Variants in MICAL2 observed in about 807,000 individuals in gnomAD.
MICAL2 encodes the protein [F-actin]-monooxygenase MICAL2.
A neutral mutation model predicts 127.3 loss-of-function variants in MICAL2; 77 were observed. The observed-to-expected ratio is 0.60, with a 90% CI of 0.50 to 0.73. The LOEUF (loss-of-function observed/expected upper bound fraction) is 0.73, where lower values mean the gene tolerates loss of function less well. MICAL2 is among the 30% of genes least tolerant of loss of function. The probability of loss-of-function intolerance (pLI) is 0.00; values close to 1 mark genes in which losing one functional copy is unlikely to be tolerated. For synonymous variants in MICAL2, 570 were observed against 551.1 expected, an observed-to-expected ratio of 1.03 and a Z score of -0.48; for missense variants, 1,351 against 1,434.4, an observed-to-expected ratio of 0.94 and a Z score of 0.94.
At chr11:12,225,220 A>G (rs1200547972) in intron 13 of MICAL2, among the ~76,000 whole-genome samples, 1 of 152,226 alleles carries the variant, frequency 6.6e-6, no homozygotes, top group Non-Finnish European at 1.5e-5. Flanking sequence ...ACCCAGATCC[A>G]TAAGCTGTGT....
At chr11:12,217,415 T>C (rs886498699) in intron 8 of MICAL2, among the ~76,000 whole-genome samples, 1 of 152,092 alleles carries the variant, frequency 6.6e-6, no homozygotes, top group Non-Finnish European at 1.5e-5. Flanking sequence ...AATGCGGGCT[T>C]GGTGAAGTGG....
chr11:12,340,688 G>A (rs1020429971), intron 32 of MICAL2, among the ~76,000 whole-genome samples: 6 of 152,132 alleles, frequency 3.9e-5, no homozygotes, highest in South Asian at 4.1e-4. Flanking sequence ...ACAACCGAAT[G>A]TTATATATAC....
chr11:12,125,171 T>A (rs1850814363), intron 1 of MICAL2, among the ~76,000 whole-genome samples: 1 of 152,242 alleles, frequency 6.6e-6, no homozygotes, highest in African/African-American at 2.4e-5. Context: ...TCCATTTCCA[T>A]CGTATCTCTA....
intron 2 of MICAL2, among the ~76,000 whole-genome samples, chr11:12,155,609 T>C (rs1384392766): frequency 1.3e-5 from 2 of 152,096 alleles, no homozygotes; most frequent in African/African-American, 4.8e-5. Context: ...ATGGCAAACA[T>C]AGTTGTGTTA....
At chr11:12,236,132 C>A in intron 15 of MICAL2, 45 bp from the exon 16 acceptor site, 2 of 1,548,760 alleles carry the variant, frequency 1.3e-6, no homozygotes, top group South Asian at 1.1e-5. Flanking sequence ...GGACTGAAGC[C>A]CTTGGTGGCC....
intron 1 of MICAL2, among the ~76,000 whole-genome samples, chr11:12,130,672 C>A (rs572565015): frequency 6.6e-6 from 1 of 152,334 alleles, no homozygotes; most frequent in East Asian, 1.9e-4. Flanking sequence ...CCTACAACCT[C>A]GGCTTTACCT....
chr11:12,338,015 G>C (rs1198627253), intron 32 of MICAL2, among the ~76,000 whole-genome samples: 9 of 152,108 alleles, frequency 5.9e-5, no homozygotes, highest in African/African-American at 1.9e-4. Context: ...TCCTTGTTAA[G>C]TTTCTGTCTC....
chr11:12,284,885 G>A (rs1344966877), intron 2 of MICAL2, among the ~76,000 whole-genome samples: 3 of 152,182 alleles, frequency 2.0e-5, no homozygotes, highest in Non-Finnish European at 2.9e-5. Context: ...GAGCAGACAT[G>A]AAGCGCCTCC....
At chr11:12,347,183 A>G (rs148269629) in intron 32 of MICAL2, among the ~76,000 whole-genome samples, 1 of 152,106 alleles carries the variant, frequency 6.6e-6, no homozygotes, top group East Asian at 1.9e-4. Flanking sequence ...TTTCCTCTCA[A>G]AAGTGTTACC....
chr11:12,208,243 G>A, intron 5 of MICAL2, 104 bp downstream of exon 5: 1 of 894,288 alleles, frequency 1.1e-6, no homozygotes, highest in East Asian at 2.5e-5. Context: ...TTCTTACTGG[G>A]AGCTGGTTGG....
intron 32 of MICAL2, among the ~76,000 whole-genome samples, chr11:12,343,344 G>A (rs1053010483): frequency 6.9e-6 from 1 of 145,188 alleles, no homozygotes; most frequent in Non-Finnish European, 1.5e-5. Context: ...GGAGGCAGAG[G>A]TTGCAGTAAG....
intron 15 of MICAL2, among the ~76,000 whole-genome samples, chr11:12,230,227 C>T (rs187683539): frequency 2.1e-4 from 32 of 152,264 alleles, no homozygotes; most frequent in Non-Finnish European, 4.0e-4. Context: ...GCTCTTTGAC[C>T]TCAACATTTC....
chr11:12,236,937 T>C (rs1239455801), intron 16 of MICAL2, among the ~76,000 whole-genome samples: 1 of 152,222 alleles, frequency 6.6e-6, no homozygotes, highest in Non-Finnish European at 1.5e-5. Context: ...CTGGCTGACC[T>C]CAAAATGATG....
At chr11:12,322,228 T>C (rs1391786938) in intron 30 of MICAL2, among the ~76,000 whole-genome samples, 1 of 152,192 alleles carries the variant, frequency 6.6e-6, no homozygotes, top group African/African-American at 2.4e-5. Context: ...GGGGCAGTTG[T>C]TAATAAATGA....
chr11:12,255,665 G>T lies in MICAL2; in HGVS notation c.2870G>T (p.Ser957Ile). The T allele has an allele frequency of 6.2e-7, 1 of 1,614,026 alleles. No individual in the cohort carries two copies. The highest frequency in any genetic ancestry group is 8.5e-7 in the Non-Finnish European group (1 of 1,180,006). ...HPQLTVGKVS[S>I]GIGAAAEVLV... ...TAGCTGACGGTAGGGAAAGTGTCCAGCGGAATAGGGGCTGCAGCTGAAGTC... is the reference window on the plus strand; with the variant it reads ...TAGCTGACGGTAGGGAAAGTGTCCATCGGAATAGGGGCTGCAGCTGAAGTC... The change falls in exon 23 of 28, where the codon AGC becomes ATC. Residue 957 changes from serine (S) to isoleucine (I), a missense_variant. Ser to Ile is a moderately radical substitution (Grantham distance 142). Transcript: ENST00000683283.
At chr11:12,294,975 A>G, downstream of MICAL2, 4 of 1,331,366 alleles carry the variant, frequency 3.0e-6, no homozygotes, top group Non-Finnish European at 3.8e-6. Context: ...TAACAAAAGT[A>G]GGAAAACTTT....
downstream of MICAL2, among the ~76,000 whole-genome samples, chr11:12,288,608 AG>A (rs1192547423): frequency 1.3e-5 from 2 of 152,158 alleles, no homozygotes; most frequent in Non-Finnish European, 2.9e-5. Flanking sequence ...GCAGGGCTTG[AG>A]TTTTGATCAT....
In MICAL2 at chr11:12,133,226, C is replaced by T. The variant is rs144734709; in HGVS notation, c.-148-5164C>T. Among the ~76,000 whole-genome samples, 314 of 152,162 alleles carry T rather than the reference C, an allele frequency of 2.1e-3. 2 individuals are homozygous for T. Among genetic ancestry groups the T allele is most frequent in the Middle Eastern group, 0.014 (4 of 294 alleles). On this transcript the variant is annotated intron_variant, in intron 1 of 27. Coordinates refer to ENST00000683283, the MANE Select transcript of MICAL2 (RefSeq NM_001282663.2). Reference sequence around the variant, plus strand: ...ACTCCCAAGTAGCTGGGATTACAGGCGTGCGCCACCACACCTGGCTAATTT... The same window carrying T: ...ACTCCCAAGTAGCTGGGATTACAGGTGTGCGCCACCACACCTGGCTAATTT...
chr11:12,316,765 A>G (rs1273058830), intron 29 of MICAL2, among the ~76,000 whole-genome samples: 1 of 152,172 alleles, frequency 6.6e-6, no homozygotes, highest in African/African-American at 2.4e-5. Flanking sequence ...TCTTTAATTA[A>G]GGAATTAAAT....
Sources: gnomAD v4.1 joint callset for allele counts (sites outside exome capture counted in the v4.1 genomes callset) on GRCh38, gnomAD v4.1.1 for gene constraint, MANE v1.5 for transcripts, NCBI Gene and HGNC (gene_info 2026-07-23, HGNC 2026-07-21) for gene names.